The following ZNF536 variants were observed in gnomAD, a reference collection of about 807,000 sequenced individuals.
ZNF536 encodes zinc finger protein 536.
A neutral mutation model predicts 84.5 loss-of-function variants in ZNF536; 13 were observed. That is an observed-to-expected ratio of 0.15 (90% CI 0.10 to 0.24). ZNF536 has a LOEUF of 0.24. Ranked by LOEUF, ZNF536 falls within the 10% of genes least tolerant of loss-of-function variation. The probability of loss-of-function intolerance (pLI) is 1.00; values close to 1 mark genes in which losing one functional copy is unlikely to be tolerated. For missense variants in ZNF536, 1,536 were observed against 1,747.5 expected, an observed-to-expected ratio of 0.88 and a Z score of 2.16; for synonymous variants, 811 against 742.5, an observed-to-expected ratio of 1.09 and a Z score of -1.50.
At chr19:30,554,954 G>C (rs994652445) in intron 4 of ZNF536, 1 of 152,214 alleles carries the variant, frequency 6.6e-6, no homozygotes, top group Non-Finnish European at 1.5e-5. Context: ...TCCATTGTCT[G>C]GTAATGCCAA....
chr19:30,604,509 G>C (rs985042348), intron 1 of ZNF536, among the ~76,000 whole-genome samples: 1 of 152,168 alleles, frequency 6.6e-6, no homozygotes, highest in Non-Finnish European at 1.5e-5. Flanking sequence ...CAAGAAAGCT[G>C]TTGAGCTTTA....
chr19:30,567,891 G>A (rs769673381), intron 1 of ZNF536, among the ~76,000 whole-genome samples: 1 of 152,128 alleles, frequency 6.6e-6, no homozygotes, highest in Non-Finnish European at 1.5e-5. Flanking sequence ...TCCAGAGGTC[G>A]ATGGCTGGGA....
At chr19:30,260,915 C>T (rs1018871647) in intron 1 of ZNF536, among the ~76,000 whole-genome samples, 2 of 152,220 alleles carry the variant, frequency 1.3e-5, no homozygotes, top group Non-Finnish European at 2.9e-5. Flanking sequence ...TCAGCTTCAG[C>T]TACTGAGCTC....
Position 30,538,753 on chromosome 19 carries a change from C to G in ZNF536, c.2323+3754C>G, listed in dbSNP as rs78865280. On this transcript the variant is annotated intron_variant, in intron 3 of 4. Transcript: ENST00000355537. Reference sequence around the variant, plus strand: ...CCAGAGGTGGCTGAACTTCTCTCCTCATGGAGACATTACCCTGGGCAGACT... The same window carrying G: ...CCAGAGGTGGCTGAACTTCTCTCCTGATGGAGACATTACCCTGGGCAGACT... Among the ~76,000 whole-genome samples the G allele has an allele frequency of 2.6e-3, 393 of 152,320 alleles. 6 individuals are homozygous for G. Among genetic ancestry groups the G allele is most frequent in the African/African-American group, 9.0e-3 (375 of 41,572 alleles).
At chr19:30,649,381 C>A (rs912613619) in intron 1 of ZNF536, among the ~76,000 whole-genome samples, 1 of 152,162 alleles carries the variant, frequency 6.6e-6, no homozygotes, top group Non-Finnish European at 1.5e-5. Context: ...AGCTGTGTCT[C>A]ACTAATATGC....
chr19:30,421,954 AGG>A (rs1189470974), intron 1 of ZNF536, among the ~76,000 whole-genome samples: 2 of 152,240 alleles, frequency 1.3e-5, no homozygotes, highest in Admixed American at 6.5e-5. Flanking sequence ...ATTTCCATTT[AGG>A]GTAATGATAT....
chr19:30,318,426 G>C (rs1200352656), intron 2 of ZNF536, among the ~76,000 whole-genome samples: 1 of 152,266 alleles, frequency 6.6e-6, no homozygotes, highest in Non-Finnish European at 1.5e-5. Flanking sequence ...AGGGCGGGCA[G>C]ATGCCTTTGC....
chr19:30,696,697 G>A (rs976267757), intron 1 of ZNF536, among the ~76,000 whole-genome samples: 23 of 152,194 alleles, frequency 1.5e-4, no homozygotes, highest in African/African-American at 5.5e-4. Flanking sequence ...CTGGGGAAGG[G>A]AGCCACCTAG....
chr19:30,655,833 G>A (rs190667140), intron 1 of ZNF536, among the ~76,000 whole-genome samples: 1 of 152,274 alleles, frequency 6.6e-6, no homozygotes, highest in Non-Finnish European at 1.5e-5. Flanking sequence ...GAGCCTAGGA[G>A]TTCGAGACTA....
chr19:30,684,782 G>T (rs561237041), intron 1 of ZNF536, among the ~76,000 whole-genome samples: 3 of 152,166 alleles, frequency 2.0e-5, no homozygotes, highest in African/African-American at 7.2e-5. Flanking sequence ...ACTTTATAGG[G>T]GCTGATTGAC....
In ZNF536 at chr19:30,513,282, C is replaced by T. The variant is rs912112713; in HGVS notation, c.2171-21565C>T. 6.6e-5 allele frequency among the ~76,000 whole-genome samples: 10 copies of T among 152,142 alleles called. No homozygotes were observed. In the South Asian group the frequency reaches 1.0e-3, roughly 16 times the overall value. ...CTGTTTCCTTCCTACATCTTGTGTG[C>T]GCAAGAAAATAAAATATAAGAGCCA... On this transcript the variant is annotated intron_variant, in intron 2 of 4. Transcript: ENST00000355537.
At chr19:30,537,511 G>A (rs1169285926) in intron 3 of ZNF536, among the ~76,000 whole-genome samples, 2 of 152,210 alleles carry the variant, frequency 1.3e-5, no homozygotes. Context: ...CAGGGTGTAA[G>A]AGTCAGTGAG....
intron 1 of ZNF536, among the ~76,000 whole-genome samples, chr19:30,642,605 C>T (rs1233087538): frequency 2.0e-5 from 3 of 152,126 alleles, no homozygotes; most frequent in Non-Finnish European, 2.9e-5. Flanking sequence ...GCTGTCATTA[C>T]GGAGAGGAGG....
chr19:30,336,032 T>G (rs2047372165), intron 2 of ZNF536, among the ~76,000 whole-genome samples: 1 of 152,126 alleles, frequency 6.6e-6, no homozygotes, highest in Non-Finnish European at 1.5e-5. Flanking sequence ...TATCAGGACC[T>G]CAGGTTAAAT....
intron 1 of ZNF536, among the ~76,000 whole-genome samples, chr19:30,612,943 G>A (rs1007462814): frequency 6.6e-6 from 1 of 152,190 alleles, no homozygotes; most frequent in African/African-American, 2.4e-5. Flanking sequence ...CTCCTCCAAC[G>A]TGGGGCGGTT....
chr19:30,277,326 C>T (rs982765559), intron 1 of ZNF536, among the ~76,000 whole-genome samples: 16 of 152,148 alleles, frequency 1.1e-4, no homozygotes, highest in Admixed American at 9.1e-4. Context: ...AATACATGCA[C>T]AGGGCAGGCG....
intron 1 of ZNF536, among the ~76,000 whole-genome samples, chr19:30,416,667 T>C (rs1375865078): frequency 6.6e-6 from 1 of 152,170 alleles, no homozygotes; most frequent in East Asian, 1.9e-4. Flanking sequence ...ACTCAGGTGC[T>C]CACCTTCCTA....
At chr19:30,362,354 G>T (rs987473071) in intron 3 of ZNF536, among the ~76,000 whole-genome samples, 1 of 152,220 alleles carries the variant, frequency 6.6e-6, no homozygotes, top group African/African-American at 2.4e-5. Context: ...AAGGTAGTCA[G>T]CTGGGAACAG....
At chr19:30,364,181 G>A (rs921948398) in intron 3 of ZNF536, among the ~76,000 whole-genome samples, 33 of 152,224 alleles carry the variant, frequency 2.2e-4, no homozygotes, top group Admixed American at 7.2e-4. Flanking sequence ...GAATGGAGCC[G>A]CTAGAAAACC....
Sources: allele counts gnomAD v4.1 joint callset (sites outside exome capture counted in the v4.1 genomes callset), GRCh38; gene constraint gnomAD v4.1.1; transcripts MANE v1.5; gene names NCBI Gene and HGNC (gene_info 2026-07-23, HGNC 2026-07-21).